The following SGCZ variants were observed in gnomAD, a reference collection of about 807,000 sequenced individuals.
SGCZ encodes zeta-sarcoglycan.
SGCZ carries 40 observed loss-of-function variants against 41.3 expected under a neutral mutation model. The ratio of observed to expected loss-of-function variants is 0.97; its 90% CI spans 0.75 to 1.26. The LOEUF is 1.26. Among genes scored for constraint, SGCZ ranks in the 50% most tolerant of loss-of-function variants. The probability of loss-of-function intolerance (pLI) is 0.00; values close to 1 mark genes in which losing one functional copy is unlikely to be tolerated. For synonymous variants in SGCZ, 206 were observed against 137.5 expected (o/e 1.50, Z -3.49); for missense variants, 552 against 369.8 (o/e 1.49, Z -4.04).
At chr8:14,172,377 C>T (rs1804410070) in intron 4 of SGCZ, among the ~76,000 whole-genome samples, 1 of 152,102 alleles carries the variant, frequency 6.6e-6, no homozygotes, top group Non-Finnish European at 1.5e-5. Flanking sequence ...GAACACATCA[C>T]ATTTTATTTC....
At chr8:14,664,880 A>C (rs957571996) in intron 1 of SGCZ, among the ~76,000 whole-genome samples, 3 of 152,074 alleles carry the variant, frequency 2.0e-5, no homozygotes, top group Non-Finnish European at 4.4e-5. Context: ...TGACATATGG[A>C]TTGTGGTTAG....
intron 1 of SGCZ, among the ~76,000 whole-genome samples, chr8:14,702,729 AATGATAG>A (rs1404088896): frequency 0.012 from 1,614 of 139,364 alleles, 23 homozygotes; most frequent in East Asian, 0.027. Context: ...TGCTGGCTTC[AATGATAG>A]ATAGATAGAT....
intron 1 of SGCZ, among the ~76,000 whole-genome samples, chr8:15,049,880 T>A (rs13273301): frequency 1.3e-5 from 2 of 152,028 alleles, no homozygotes; most frequent in African/African-American, 4.8e-5. Context: ...CCTGCCACCA[T>A]ATAAGAGGTG....
intron 3 of SGCZ, 38 bp from the exon 4 acceptor site, chr8:14,237,717 A>T (rs756196258): frequency 6.4e-7 from 1 of 1,559,726 alleles, no homozygotes; most frequent in African/African-American, 1.4e-5. Flanking sequence ...TAGAAAATAG[A>T]AATATCGTCA....
intron 1 of SGCZ, among the ~76,000 whole-genome samples, chr8:14,661,740 G>T (rs528840511): frequency 6.6e-6 from 1 of 152,036 alleles, no homozygotes; most frequent in East Asian, 1.9e-4. Context: ...AGTAACACAT[G>T]AACAATGAAT....
intron 3 of SGCZ, among the ~76,000 whole-genome samples, chr8:14,257,523 T>C (rs542528427): frequency 3.4e-4 from 51 of 152,088 alleles, no homozygotes; most frequent in Admixed American, 1.6e-3. Flanking sequence ...AGGGTACATG[T>C]GCACAACACG....
intron 3 of SGCZ, among the ~76,000 whole-genome samples, chr8:14,313,910 CTGTGTGTGTGTGTGTGTGTGTGTG>C (rs34489718): frequency 6.9e-6 from 1 of 144,802 alleles, no homozygotes; most frequent in African/African-American, 2.5e-5. Flanking sequence ...TATCATCTCT[CTGTGTGTGTGTGTGTGTGTGTGTG>C]TGTGTGTGTG....
intron 2 of SGCZ, among the ~76,000 whole-genome samples, chr8:14,396,446 C>T (rs762109954): frequency 6.6e-6 from 1 of 152,110 alleles, no homozygotes; most frequent in Non-Finnish European, 1.5e-5. Flanking sequence ...AATTTGATCA[C>T]TTAGGCGTGA....
At chr8:14,730,582 A>G (rs1425986786) in intron 1 of SGCZ, among the ~76,000 whole-genome samples, 1 of 151,948 alleles carries the variant, frequency 6.6e-6, no homozygotes, top group Non-Finnish European at 1.5e-5. Context: ...CTAAGTATTT[A>G]ATATTTGATC....
rs141914086 is a variant in SGCZ, at chr8:14,841,944, C to G, written c.40-287018G>C. On this transcript the variant is annotated intron_variant, in intron 1 of 7. Transcript: ENST00000382080. ...GGATTTGGCTTCCATAATAGAATCA[C>G]CATCTCAGAGTACTTATTCAGTACA... Among the ~76,000 whole-genome samples the G allele has an allele frequency of 8.5e-5, 13 of 152,224 alleles. No homozygotes were observed. The East Asian group carries it at 2.5e-3, about 29-fold the overall frequency.
chr8:14,226,141 T>C (rs1016544139), intron 4 of SGCZ, among the ~76,000 whole-genome samples: 1 of 152,070 alleles, frequency 6.6e-6, no homozygotes, highest in South Asian at 2.1e-4. Context: ...TGAAGTGCAG[T>C]ATTTCCTTAC....
chr8:15,217,221 T>C (rs1465619783), intron 1 of SGCZ, among the ~76,000 whole-genome samples: 3 of 151,530 alleles, frequency 2.0e-5, no homozygotes, highest in Non-Finnish European at 2.9e-5. Flanking sequence ...ATCGAGACCA[T>C]CTTGGCTAAC....
At chr8:14,145,265 C>T (rs777392916) in intron 5 of SGCZ, among the ~76,000 whole-genome samples, 2 of 152,102 alleles carry the variant, frequency 1.3e-5, no homozygotes, top group Non-Finnish European at 2.9e-5. Context: ...GGGAAGATAA[C>T]AAGAGTCTCT....
At chr8:14,417,384 T>C (rs1043870974) in intron 2 of SGCZ, among the ~76,000 whole-genome samples, 2 of 151,872 alleles carry the variant, frequency 1.3e-5, no homozygotes, top group Non-Finnish European at 2.9e-5. Context: ...AATAGACTTA[T>C]AATTCAATTT....
intron 1 of SGCZ, among the ~76,000 whole-genome samples, chr8:14,875,709 G>C (rs1428890074): frequency 1.3e-5 from 2 of 152,116 alleles, no homozygotes; most frequent in Non-Finnish European, 2.9e-5. Context: ...TAGTAATAAA[G>C]TGAATGAGCT....
intron 1 of SGCZ, among the ~76,000 whole-genome samples, chr8:14,814,778 T>G (rs2130548543): frequency 6.6e-6 from 1 of 152,296 alleles, no homozygotes; most frequent in South Asian, 2.1e-4. Flanking sequence ...TATTTCTTTT[T>G]TCTTGAGCAA....
intron 1 of SGCZ, among the ~76,000 whole-genome samples, chr8:14,913,178 T>C (rs2130779775): frequency 6.6e-6 from 1 of 152,198 alleles, no homozygotes; most frequent in African/African-American, 2.4e-5. Flanking sequence ...ATCCTAATTA[T>C]TCAGCATATC....
intron 1 of SGCZ, among the ~76,000 whole-genome samples, chr8:14,608,866 G>A (rs4831611): frequency 0.62 from 94,618 of 151,938 alleles, 29,586 homozygotes; most frequent in East Asian, 0.72. Flanking sequence ...CAAAAAAAAG[G>A]TCCAACTTTT....
chr8:14,286,185 A>G (rs929073193), intron 3 of SGCZ, among the ~76,000 whole-genome samples: 5 of 151,960 alleles, frequency 3.3e-5, no homozygotes, highest in African/African-American at 1.2e-4. Context: ...ATGGTATTCT[A>G]TCTATGGGAT....
Sources: gnomAD v4.1 joint callset for allele counts (sites outside exome capture counted in the v4.1 genomes callset) on GRCh38, gnomAD v4.1.1 for gene constraint, MANE v1.5 for transcripts, NCBI Gene and HGNC (gene_info 2026-07-23, HGNC 2026-07-21) for gene names.